Variants in PDE4D observed in about 807,000 individuals in gnomAD.
PDE4D encodes the protein phosphodiesterase 4D.
In PDE4D, 24 loss-of-function variants were observed where a neutral mutation model predicts 87.4. That is an observed-to-expected ratio of 0.27 (90% confidence interval 0.20 to 0.39). The LOEUF (loss-of-function observed/expected upper bound fraction) is 0.39, where lower values mean the gene tolerates loss of function less well. Among genes scored for constraint, PDE4D ranks in the 10% least tolerant of loss-of-function variants. PDE4D has a pLI of 1.00. For synonymous variants in PDE4D, 384 were observed against 383.2 expected (o/e 1.00, Z -0.02); for missense variants, 714 against 1,041.0 (o/e 0.69, Z 4.32).
chr5:60,327,210 G>A (rs1756878599), intron 1 of PDE4D, among the ~76,000 whole-genome samples: 1 of 152,184 alleles, frequency 6.6e-6, no homozygotes, highest in African/African-American at 2.4e-5. Flanking sequence ...ACCCAAACAA[G>A]TGGCCAAACC....
intron 1 of PDE4D, among the ~76,000 whole-genome samples, chr5:60,309,913 T>C (rs1396404274): frequency 6.6e-6 from 1 of 152,232 alleles, no homozygotes; most frequent in Non-Finnish European, 1.5e-5. Flanking sequence ...AATAAAAAGA[T>C]TTTAATACAG....
At chr5:60,234,460 G>A (rs1161491390) in intron 1 of PDE4D, among the ~76,000 whole-genome samples, 1 of 151,590 alleles carries the variant, frequency 6.6e-6, no homozygotes, top group Non-Finnish European at 1.5e-5. Context: ...TATATACTAG[G>A]GAGTACAAAA....
At chr5:60,459,928 T>C in intron 1 of PDE4D, 2 of 711,266 alleles carry the variant, frequency 2.8e-6, no homozygotes, top group South Asian at 3.1e-5. Flanking sequence ...ATTGTCTTCT[T>C]CATTAGTATC....
intron 1 of PDE4D, among the ~76,000 whole-genome samples, chr5:59,742,412 C>T (rs1758989812): frequency 2.0e-5 from 3 of 152,108 alleles, no homozygotes; most frequent in African/African-American, 4.8e-5. Context: ...CACAAATTAT[C>T]ATGTTTAGAC....
intron 1 of PDE4D, among the ~76,000 whole-genome samples, chr5:59,301,758 A>AGTAGGG (rs1426148232): frequency 1.3e-5 from 2 of 152,118 alleles, no homozygotes; most frequent in African/African-American, 4.8e-5. Context: ...AGATAGGCAG[A>AGTAGGG]TATGAGCAGG....
At chr5:59,550,906 C>T (rs1044405473) in intron 1 of PDE4D, among the ~76,000 whole-genome samples, 2 of 152,044 alleles carry the variant, frequency 1.3e-5, no homozygotes, top group Admixed American at 1.3e-4. Flanking sequence ...CCATGTTGGT[C>T]AGGCTGGTCT....
chr5:60,323,210 T>G (rs1456619681), intron 1 of PDE4D, among the ~76,000 whole-genome samples: 1 of 152,176 alleles, frequency 6.6e-6, no homozygotes, highest in Non-Finnish European at 1.5e-5. Context: ...GGACCTCCAC[T>G]CTAGGCTCCA....
chr5:59,722,272 A>T (rs890672110), intron 1 of PDE4D, among the ~76,000 whole-genome samples: 1 of 152,220 alleles, frequency 6.6e-6, no homozygotes, highest in Non-Finnish European at 1.5e-5. Flanking sequence ...GATGCTTTTG[A>T]TCATATTAAT....
chr5:60,053,413 C>G (rs778048727), intron 2 of PDE4D, among the ~76,000 whole-genome samples: 2 of 152,154 alleles, frequency 1.3e-5, no homozygotes, highest in Non-Finnish European at 2.9e-5. Context: ...TGATCTTTGA[C>G]AAACCTGACA....
intron 6 of PDE4D, among the ~76,000 whole-genome samples, chr5:59,000,838 A>G (rs1351783985): frequency 2.0e-5 from 3 of 151,630 alleles, no homozygotes; most frequent in Non-Finnish European, 2.9e-5. Flanking sequence ...ACAGGCGCCC[A>G]CCACCACGCC....
rs750666346 is a variant in PDE4D at position 58,990,839 on chromosome 5, G to T, written c.1252C>A (p.Arg418=). 1 of 1,604,194 alleles carries T rather than the reference G, an allele frequency of 6.2e-7. No individual in the cohort carries two copies. Among genetic ancestry groups the T allele is most frequent in the East Asian group, 2.2e-5 (1 of 44,678 alleles). Residue 418 remains arginine, a synonymous_variant, in exon 9 of 15, where the codon CGG becomes AGG. Coordinates refer to ENST00000340635, the MANE Select transcript of PDE4D (RefSeq NM_001104631.2). ...VFRIAELSGN[R]PLTVIMHTIF... ...GTGTGCATGATAACAGTCAAGGGCCGGTTACCAGACAACTCTGCTATTCTG... is the reference window on the plus strand; with the variant it reads ...GTGTGCATGATAACAGTCAAGGGCCTGTTACCAGACAACTCTGCTATTCTG...
At chr5:59,965,018 C>A (rs528327403) in intron 3 of PDE4D, among the ~76,000 whole-genome samples, 16 of 152,278 alleles carry the variant, frequency 1.1e-4, no homozygotes, top group African/African-American at 3.6e-4. Context: ...AGAACTTCTA[C>A]AATTTTCAAC....
intron 1 of PDE4D, among the ~76,000 whole-genome samples, chr5:59,718,219 A>C (rs1755303422): frequency 6.6e-5 from 10 of 152,180 alleles, no homozygotes. Context: ...GAGTAAGAAT[A>C]CTTATTTCGA....
At chr5:59,699,652 G>T (rs971328017) in intron 1 of PDE4D, among the ~76,000 whole-genome samples, 1 of 152,112 alleles carries the variant, frequency 6.6e-6, no homozygotes, top group Non-Finnish European at 1.5e-5. Context: ...AAAAGAGGAA[G>T]ATAGAAATGA....
intron 1 of PDE4D, among the ~76,000 whole-genome samples, chr5:59,380,348 CTCAA>C (rs1318307725): frequency 7.3e-6 from 1 of 136,988 alleles, no homozygotes; most frequent in African/African-American, 2.8e-5. Flanking sequence ...CATATAAATC[CTCAA>C]TTTTGGCCAT....
At chr5:59,670,267 C>T (rs1349296904) in intron 1 of PDE4D, among the ~76,000 whole-genome samples, 1 of 152,100 alleles carries the variant, frequency 6.6e-6, no homozygotes, top group Non-Finnish European at 1.5e-5. Context: ...CTGTAAGTAT[C>T]ATCTATTATT....
chr5:59,641,561 T>C (rs1424653881), intron 1 of PDE4D, among the ~76,000 whole-genome samples: 4 of 152,158 alleles, frequency 2.6e-5, no homozygotes, highest in African/African-American at 9.7e-5. Context: ...AAAAACATTG[T>C]CCAGAAATAA....
rs563303285 is a variant in PDE4D, at chr5:59,017,313, T to C, written c.921+21546A>G. 1.8e-3 allele frequency among the ~76,000 whole-genome samples: 280 copies of C among 152,304 alleles called. 1 individual carries two copies. The highest frequency in any genetic ancestry group is 3.4e-3 in the Non-Finnish European group (230 of 68,028). ...GGCAAAACTGACAAGACTTGAAGAC[T>C]TGCACAACAGAACTGAAGAAATGAG... is the stretch of plus-strand genomic sequence containing the variant. On this transcript the variant is annotated intron_variant, in intron 6 of 14. Coordinates refer to ENST00000340635, the MANE Select transcript of PDE4D (RefSeq NM_001104631.2).
chr5:60,155,550 G>T (rs1465095024), intron 2 of PDE4D, among the ~76,000 whole-genome samples: 1 of 152,098 alleles, frequency 6.6e-6, no homozygotes, highest in African/African-American at 2.4e-5. Flanking sequence ...TTACATGAAT[G>T]TATTAACAAC....
Sources: allele counts gnomAD v4.1 joint callset (sites outside exome capture counted in the v4.1 genomes callset), GRCh38; gene constraint gnomAD v4.1.1; transcripts MANE v1.5; gene names NCBI Gene and HGNC (gene_info 2026-07-23, HGNC 2026-07-21).